The following ADAMTS19 variants were observed in gnomAD, a reference collection of about 807,000 sequenced individuals.
ADAMTS19 encodes the protein ADAM metallopeptidase with thrombospondin type 1 motif 19.
ADAMTS19 carries 93 observed loss-of-function variants against 153.3 expected under a neutral mutation model. That is an observed-to-expected ratio of 0.61 (90% confidence interval 0.51 to 0.72). The LOEUF is 0.72. Ranked by LOEUF, ADAMTS19 falls within the 30% of genes least tolerant of loss-of-function variation. The probability of loss-of-function intolerance (pLI) is 0.00; values close to 1 mark genes in which losing one functional copy is unlikely to be tolerated. For synonymous variants in ADAMTS19, 600 were observed against 556.6 expected (o/e 1.08, Z -1.10); for missense variants, 1,482 against 1,552.1 (o/e 0.95, Z 0.76).
At chr5:129,727,653 G>T (rs926733124) in intron 21 of ADAMTS19, among the ~76,000 whole-genome samples, 1 of 152,146 alleles carries the variant, frequency 6.6e-6, no homozygotes, top group Non-Finnish European at 1.5e-5. Context: ...TAGACAGTTT[G>T]TGAATTTATG....
chr5:129,587,812 T>G (rs145217813), intron 7 of ADAMTS19, among the ~76,000 whole-genome samples: 1 of 152,010 alleles, frequency 6.6e-6, no homozygotes, highest in Admixed American at 6.6e-5. Flanking sequence ...CACCCCCAGG[T>G]TTTTTGTTGT....
chr5:129,651,774 G>A (rs1399722945), intron 13 of ADAMTS19, among the ~76,000 whole-genome samples: 2 of 152,074 alleles, frequency 1.3e-5, no homozygotes, highest in Non-Finnish European at 2.9e-5. Context: ...TCTAATGTCT[G>A]TCCCTAGTGT....
chr5:129,461,315 A>C lies in ADAMTS19; in HGVS notation c.305A>C (p.Glu102Ala). 1.5e-6 allele frequency: 2 copies of C among 1,322,730 alleles called. No homozygotes were observed. The highest frequency in any genetic ancestry group is 1.9e-6 in the Non-Finnish European group (2 of 1,044,564). The allele number at this position is 1,322,730 out of a possible 1,614,324, so 81.9% of individuals were successfully genotyped here. Residue 102 changes from glutamate to alanine, a missense_variant, in exon 2 of 23, where the codon GAG (glutamate) becomes GCG (alanine). Coordinates refer to ENST00000274487, the MANE Select transcript of ADAMTS19 (RefSeq NM_133638.6). The surrounding 1 kb of genome is among the most constrained non-coding windows in gnomAD (Gnocchi z 4.6). Reference protein sequence around the residue: ...VAPVPLEEPVEGRSESRLRPP... With the variant: ...VAPVPLEEPVAGRSESRLRPP... ...CCGGTGCCTTTGGAGGAGCCCGTGGAGGGCCGATCAGAGTCCCGGCTCCGG... is the reference window on the plus strand; with the variant it reads ...CCGGTGCCTTTGGAGGAGCCCGTGGCGGGCCGATCAGAGTCCCGGCTCCGG...
chr5:129,511,854 C>T (rs534745770), intron 3 of ADAMTS19, among the ~76,000 whole-genome samples: 59 of 152,136 alleles, frequency 3.9e-4, no homozygotes, highest in Middle Eastern at 3.4e-3. Context: ...AACCTCAAGA[C>T]TGTCCTCAGA....
chr5:129,547,902 C>A (rs2126812750), intron 6 of ADAMTS19, among the ~76,000 whole-genome samples: 1 of 150,878 alleles, frequency 6.6e-6, no homozygotes, highest in South Asian at 2.1e-4. Context: ...TTTGACAAAC[C>A]TGACAAAAAC....
intron 6 of ADAMTS19, among the ~76,000 whole-genome samples, chr5:129,545,973 C>G (rs1581066707): frequency 6.7e-6 from 1 of 149,172 alleles, no homozygotes; most frequent in Non-Finnish European, 1.5e-5. Flanking sequence ...ATAGCAAAGA[C>G]TTGGAACCAA....
chr5:129,576,855 C>G (rs879378253), intron 7 of ADAMTS19, among the ~76,000 whole-genome samples: 1 of 152,126 alleles, frequency 6.6e-6, no homozygotes, highest in Non-Finnish European at 1.5e-5. Flanking sequence ...TTCATCTACA[C>G]CACAATTTTT....
At position 129,596,581 on chromosome 5, in the gene ADAMTS19, G is replaced by A. The variant is rs746085389; in HGVS notation, c.1395G>A (p.Met465Ile). ...DTVGIAYLSG[M>I]CSEKRKCIIA... ...TAGGTATAGCTTACTTGAGTGGAAT[G>A]TGTAGTGAAAAGAGAAAATGTATTA... The change falls in exon 8 of 23, where the codon ATG (methionine) becomes ATA (isoleucine). Residue 465 changes from methionine to isoleucine, a missense_variant. Around this residue, in one of 2 missense-constraint regions of ADAMTS19, gnomAD observed 866 missense variants for 827.7 expected, o/e 1.05. Coordinates refer to ENST00000274487, the MANE Select transcript of ADAMTS19 (RefSeq NM_133638.6). The A allele has an allele frequency of 1.2e-6, 2 of 1,607,310 alleles. No homozygotes were observed. The highest frequency in any genetic ancestry group is 1.7e-6 in the Non-Finnish European group (2 of 1,176,928).
At position 129,509,217 on chromosome 5, in the gene ADAMTS19, C is replaced by T. The variant is rs759210423; in HGVS notation, c.888C>T (p.His296=). 1 of 1,611,824 alleles carries T rather than the reference C, an allele frequency of 6.2e-7. No individual in the cohort carries two copies. The highest frequency in any genetic ancestry group is 1.7e-5 in the Admixed American group (1 of 59,844). The change falls in exon 3 of 23, where the codon CAC becomes CAT. Residue 296 remains histidine (H), a synonymous_variant. Transcript: ENST00000274487. ...EEKVTEKSAL[H]SHYCGIISDK... The stretch of plus-strand genomic sequence containing the variant: ...AGGTCACAGAGAAGTCAGCTCTTCA[C>T]AGTCATTACTGTGGTATCATTTCAG...
At chr5:129,719,374 C>T (rs189261469) in intron 21 of ADAMTS19, among the ~76,000 whole-genome samples, 72 of 152,184 alleles carry the variant, frequency 4.7e-4, no homozygotes, top group Non-Finnish European at 7.6e-4. Context: ...CATATGGCCC[C>T]CAAATCTAAG....
At chr5:129,639,838 G>A (rs986078973) in intron 10 of ADAMTS19, among the ~76,000 whole-genome samples, 1 of 152,106 alleles carries the variant, frequency 6.6e-6, no homozygotes, top group African/African-American at 2.4e-5. Flanking sequence ...TTGACAGAAA[G>A]TTCCTAGATG....
chr5:129,660,349 T>C lies in ADAMTS19; in HGVS notation c.2425+1612T>C, dbSNP rs1753768531. 2.0e-5 allele frequency among the ~76,000 whole-genome samples: 3 copies of C among 152,172 alleles called. No individual in the cohort carries two copies. The South Asian group carries it at 6.2e-4, about 32-fold the overall frequency. ...TTTCAACTAAGAAATTTAATTATAA[T>C]AAGCTTTTTCTGCCTGATTGTGATG... On this transcript the variant is annotated intron_variant, in intron 15 of 22. Coordinates refer to ENST00000274487, the MANE Select transcript of ADAMTS19 (RefSeq NM_133638.6).
intron 10 of ADAMTS19, among the ~76,000 whole-genome samples, chr5:129,624,642 TAGA>T (rs1751941118): frequency 6.6e-6 from 1 of 152,158 alleles, no homozygotes; most frequent in Non-Finnish European, 1.5e-5. Context: ...AAAAGCTCAG[TAGA>T]TGATCAACTA....
In ADAMTS19 at chr5:129,556,503, T is replaced by C. The variant is rs192628653; in HGVS notation, c.1372+4596T>C. Among the ~76,000 whole-genome samples, 5 of 152,332 alleles carry C rather than the reference T, an allele frequency of 3.3e-5. No individual in the cohort carries two copies. The East Asian group carries it at 9.6e-4, about 29-fold the overall frequency. ...ATGGTCCTCAAGAGTGTATTTGCCC[T>C]AATCCCTGGAATTTATGAATATGTT... is the stretch of plus-strand genomic sequence containing the variant. On this transcript the variant is annotated intron_variant, in intron 7 of 22. Transcript: ENST00000274487.
intron 6 of ADAMTS19, among the ~76,000 whole-genome samples, chr5:129,533,004 G>C (rs1298444646): frequency 6.6e-6 from 1 of 152,190 alleles, no homozygotes; most frequent in Non-Finnish European, 1.5e-5. Context: ...TCGGGAGGCT[G>C]AGGCAGGAGA....
At chr5:129,697,672 G>A (rs1755623481) in intron 19 of ADAMTS19, among the ~76,000 whole-genome samples, 1 of 152,192 alleles carries the variant, frequency 6.6e-6, no homozygotes, top group African/African-American at 2.4e-5. Context: ...CTACTGTCAG[G>A]TCCTTGGGTC....
At chr5:129,531,449 A>T (rs1025829438) in intron 6 of ADAMTS19, among the ~76,000 whole-genome samples, 1 of 152,128 alleles carries the variant, frequency 6.6e-6, no homozygotes, top group Non-Finnish European at 1.5e-5. Flanking sequence ...ACATGACAGA[A>T]TCTCATCTCT....
chr5:129,538,078 C>T (rs1339393573), intron 6 of ADAMTS19, among the ~76,000 whole-genome samples: 1 of 151,982 alleles, frequency 6.6e-6, no homozygotes, highest in African/African-American at 2.4e-5. Context: ...GTCTTTCTTC[C>T]TTCTTAACAG....
At chr5:129,669,170 G>A (rs1754188614) in intron 16 of ADAMTS19, among the ~76,000 whole-genome samples, 1 of 151,958 alleles carries the variant, frequency 6.6e-6, no homozygotes, top group Non-Finnish European at 1.5e-5. Flanking sequence ...TTCTCCGGTG[G>A]TGCTGGGAAA....
Sources: gnomAD v4.1 joint callset for allele counts (sites outside exome capture counted in the v4.1 genomes callset) on GRCh38, gnomAD v4.1.1 for gene constraint, gnomAD v4.1.1 regional missense constraint, Gnocchi (gnomAD v3.1) non-coding constraint, MANE v1.5 for transcripts, NCBI Gene and HGNC (gene_info 2026-07-23, HGNC 2026-07-21) for gene names.